PRKN: variants seen among roughly 807,000 people sequenced by gnomAD.
PRKN encodes the protein parkin RBR E3 ubiquitin protein ligase.
In PRKN, 56 loss-of-function variants were observed where a neutral mutation model predicts 59.5. That is an observed-to-expected ratio of 0.94 (90% CI 0.76 to 1.18). The LOEUF is 1.18. PRKN is among the 50% of genes most tolerant of loss of function. PRKN has a pLI of 0.00. For synonymous variants in PRKN, 250 were observed against 222.1 expected (o/e 1.13, Z -1.12); for missense variants, 657 against 596.4 (o/e 1.10, Z -1.06).
Position 161,359,837 on chromosome 6 carries a change from T to C in PRKN, c.1285+251A>G, listed in dbSNP as rs1382223896. ...TTCCATATCTTGGTTCTAGTTTCTA[T>C]ATTTATTCCCTTTCCAACCACATAA... is the stretch of plus-strand genomic sequence containing the variant. On this transcript the variant is annotated intron_variant, in intron 11 of 11. Transcript: ENST00000366898. This position sits in a 1 kb window ranked among gnomAD's most constrained non-coding sequence, Gnocchi z 5.4. 6.6e-6 allele frequency among the ~76,000 whole-genome samples: 1 copy of C among 152,204 alleles called. No individual in the cohort carries two copies. The highest frequency in any genetic ancestry group is 1.5e-5 in the Non-Finnish European group (1 of 68,040).
intron 5 of PRKN, among the ~76,000 whole-genome samples, chr6:161,980,504 G>T (rs974352822): frequency 2.6e-5 from 4 of 152,210 alleles, no homozygotes; most frequent in African/African-American, 7.2e-5. Context: ...AGGAGTGGAA[G>T]CACAGAAGAA....
At chr6:162,727,277 G>GAGGTGAGGGGCGA (rs1309206255) in intron 1 of PRKN, 33 of 228,532 alleles carry the variant, frequency 1.4e-4, no homozygotes, top group African/African-American at 2.4e-4. Flanking sequence ...ACCGGCCAGT[G>GAGGTGAGGGGCGA]AGGTGAGGGG....
intron 9 of PRKN, among the ~76,000 whole-genome samples, chr6:161,416,401 C>G (rs1207144902): frequency 6.6e-6 from 1 of 152,112 alleles, no homozygotes; most frequent in African/African-American, 2.4e-5. Flanking sequence ...AGCACTGACG[C>G]CTCCCAGTGC....
intron 2 of PRKN, among the ~76,000 whole-genome samples, chr6:162,293,843 T>A (rs1781545153): frequency 6.6e-6 from 1 of 152,102 alleles, no homozygotes; most frequent in African/African-American, 2.4e-5. Flanking sequence ...CGCACCCGGC[T>A]AATTTTTTGT....
chr6:162,601,578 C>G (rs1052044866), intron 1 of PRKN, among the ~76,000 whole-genome samples: 1 of 151,942 alleles, frequency 6.6e-6, no homozygotes, highest in Non-Finnish European at 1.5e-5. Flanking sequence ...TTCCTCGAAC[C>G]CTCTTCCCAA....
intron 6 of PRKN, among the ~76,000 whole-genome samples, chr6:161,939,406 G>A (rs532571110): frequency 9.6e-4 from 98 of 102,536 alleles, no homozygotes; most frequent in African/African-American, 3.3e-3. Flanking sequence ...GTGACAGAGA[G>A]AGACTCTGTC....
intron 6 of PRKN, among the ~76,000 whole-genome samples, chr6:161,875,896 G>A (rs527575868): frequency 3.3e-4 from 50 of 152,160 alleles, no homozygotes; most frequent in African/African-American, 1.2e-3. Context: ...GTTACCAGAT[G>A]TTCCATGGGT....
In PRKN at chr6:161,461,946, T is replaced by C. The variant is rs112708778; in HGVS notation, c.1084-75069A>G. Among the ~76,000 whole-genome samples, 53 of 152,150 alleles carry C rather than the reference T, an allele frequency of 3.5e-4. No homozygotes were observed. The highest frequency in any genetic ancestry group is 1.3e-3 in the African/African-American group (52 of 41,522). On this transcript the variant is annotated intron_variant, in intron 9 of 11. Coordinates refer to ENST00000366898, the MANE Select transcript of PRKN (RefSeq NM_004562.3). This position sits in a 1 kb window ranked among gnomAD's most constrained non-coding sequence, Gnocchi z 5.1. ...AAGAGAGGACCAAGGATGGTCACCTTGAAAATAACAGCGGTTAAAGGGCAG... is the reference window on the plus strand; with the variant it reads ...AAGAGAGGACCAAGGATGGTCACCTCGAAAATAACAGCGGTTAAAGGGCAG...
At chr6:161,626,562 C>T (rs764065173) in intron 7 of PRKN, among the ~76,000 whole-genome samples, 5 of 152,174 alleles carry the variant, frequency 3.3e-5, no homozygotes, top group East Asian at 1.9e-4. Context: ...TGGAGGATGC[C>T]GGCAAAGCTG....
chr6:161,957,423 TGTTTGTTTG>T (rs1562418234), intron 6 of PRKN, among the ~76,000 whole-genome samples: 2 of 136,186 alleles, frequency 1.5e-5, no homozygotes, highest in African/African-American at 3.2e-5. Context: ...TTTTTTTGTT[TGTTTGTTTG>T]TTTGTTTTTT....
chr6:161,932,362 C>G (rs1779198558), intron 6 of PRKN, among the ~76,000 whole-genome samples: 1 of 151,982 alleles, frequency 6.6e-6, no homozygotes, highest in Admixed American at 6.6e-5. Context: ...TTTATATCAA[C>G]TATAATTATG....
intron 1 of PRKN, among the ~76,000 whole-genome samples, chr6:162,701,832 T>TACAC (rs59726370): frequency 6.8e-6 from 1 of 147,880 alleles, no homozygotes; most frequent in African/African-American, 2.5e-5. Context: ...TTCACATACA[T>TACAC]ACACACACAC....
At chr6:162,692,751 A>G (rs1158614834) in intron 1 of PRKN, among the ~76,000 whole-genome samples, 1 of 152,106 alleles carries the variant, frequency 6.6e-6, no homozygotes, top group Admixed American at 6.5e-5. Flanking sequence ...TGTCCCTTTT[A>G]CCTTTGTTGA....
chr6:162,101,668 T>C (rs1779976534), intron 4 of PRKN, among the ~76,000 whole-genome samples: 1 of 151,532 alleles, frequency 6.6e-6, no homozygotes, highest in African/African-American at 2.4e-5. Flanking sequence ...CGAGACTCCG[T>C]CTCTAAAAAA....
chr6:162,227,727 T>C (rs992440024), intron 3 of PRKN, among the ~76,000 whole-genome samples: 2 of 152,156 alleles, frequency 1.3e-5, no homozygotes, highest in Non-Finnish European at 2.9e-5. Flanking sequence ...CTACCATTCT[T>C]ATGCCCTATG....
chr6:162,541,835 G>T (rs1214274322), intron 1 of PRKN, among the ~76,000 whole-genome samples: 1 of 151,924 alleles, frequency 6.6e-6, no homozygotes, highest in Non-Finnish European at 1.5e-5. Flanking sequence ...TTTTTGTCTA[G>T]CAAGAGAGTC....
intron 7 of PRKN, among the ~76,000 whole-genome samples, chr6:161,589,221 G>A (rs904633609): frequency 1.3e-5 from 2 of 152,188 alleles, no homozygotes; most frequent in African/African-American, 2.4e-5. Context: ...GCGCAGAGAC[G>A]CCCCGCTGCT....
chr6:162,385,247 T>C (rs969765371), intron 2 of PRKN, among the ~76,000 whole-genome samples: 5 of 152,100 alleles, frequency 3.3e-5, no homozygotes, highest in African/African-American at 1.2e-4. Context: ...TGCATGCCAC[T>C]TCACCCAGAT....
chr6:161,906,739 A>G (rs1219809748), intron 6 of PRKN, among the ~76,000 whole-genome samples: 2 of 150,630 alleles, frequency 1.3e-5, no homozygotes, highest in Non-Finnish European at 3.0e-5. Flanking sequence ...CAAGGAAGCC[A>G]GTCCTAGTCA....
Sources: allele counts gnomAD v4.1 joint callset (sites outside exome capture counted in the v4.1 genomes callset), GRCh38; gene constraint gnomAD v4.1.1; non-coding constraint Gnocchi (gnomAD v3.1); transcripts MANE v1.5; gene names NCBI Gene and HGNC (gene_info 2026-07-23, HGNC 2026-07-21).